The following TRPC6 variants were observed in gnomAD, a reference collection of about 807,000 sequenced individuals.
The protein encoded by TRPC6 is transient receptor potential cation channel subfamily C member 6, also known as short transient receptor potential channel 6.
Under a neutral mutation model 90.7 loss-of-function variants are expected in TRPC6, and 55 were observed. The ratio of observed to expected loss-of-function variants is 0.61; its 90% CI spans 0.49 to 0.76. TRPC6 has a LOEUF of 0.76. Ranked by LOEUF, TRPC6 falls within the 30% of genes least tolerant of loss-of-function variation. The probability of loss-of-function intolerance (pLI) is 0.00; values close to 1 mark genes in which losing one functional copy is unlikely to be tolerated. For synonymous variants in TRPC6, 393 were observed against 393.0 expected, an observed-to-expected ratio of 1.00 and a Z score of 0.00; for missense variants, 989 against 1,122.7, an observed-to-expected ratio of 0.88 and a Z score of 1.70.
At chr11:101,480,215 T>G (rs1263886328) in intron 5 of TRPC6, among the ~76,000 whole-genome samples, 6 of 152,052 alleles carry the variant, frequency 3.9e-5, no homozygotes, top group Non-Finnish European at 8.8e-5. Context: ...AAACTAAGAC[T>G]AGTATGAGGA....
At chr11:101,464,609 C>T (rs1478084055) in intron 10 of TRPC6, among the ~76,000 whole-genome samples, 2 of 152,088 alleles carry the variant, frequency 1.3e-5, no homozygotes, top group Non-Finnish European at 2.9e-5. Flanking sequence ...AGGATTGCAA[C>T]ACCTGCTTTT....
chr11:101,457,932 C>T (rs1858922434), intron 10 of TRPC6, among the ~76,000 whole-genome samples: 1 of 152,156 alleles, frequency 6.6e-6, no homozygotes, highest in African/African-American at 2.4e-5. Flanking sequence ...TTAATCTACA[C>T]ATACCCCTTT....
chr11:101,535,408 T>G (rs1291902894), intron 1 of TRPC6, among the ~76,000 whole-genome samples: 1 of 146,062 alleles, frequency 6.8e-6, no homozygotes, highest in Admixed American at 6.8e-5. Context: ...TTTTTTTTTT[T>G]GCTTTAACCT....
At chr11:101,486,241 C>A (rs1367505339) in intron 4 of TRPC6, among the ~76,000 whole-genome samples, 2 of 152,032 alleles carry the variant, frequency 1.3e-5, no homozygotes, top group Non-Finnish European at 2.9e-5. Context: ...TGGCATCTCT[C>A]ACTAGACTTT....
intron 5 of TRPC6, 32 bp from the exon 6 acceptor site, chr11:101,476,566 A>G: frequency 6.4e-7 from 1 of 1,551,824 alleles, no homozygotes; most frequent in Non-Finnish European, 8.9e-7. Context: ...ATATCAATTC[A>G]ATCGCATTCA....
chr11:101,510,933 T>C (rs1332157913), intron 1 of TRPC6, among the ~76,000 whole-genome samples: 2 of 152,212 alleles, frequency 1.3e-5, no homozygotes, highest in Non-Finnish European at 2.9e-5. Context: ...CTTTGTGCTT[T>C]AAAAATCCTT....
intron 1 of TRPC6, among the ~76,000 whole-genome samples, chr11:101,565,850 T>C (rs1861816910): frequency 4.6e-5 from 7 of 152,158 alleles, no homozygotes; most frequent in Admixed American, 4.6e-4. Context: ...GGAAACTATA[T>C]TTTTAAAAAT....
At chr11:101,577,629 C>G (rs564765006) in intron 1 of TRPC6, among the ~76,000 whole-genome samples, 1 of 152,084 alleles carries the variant, frequency 6.6e-6, no homozygotes, top group South Asian at 2.1e-4. Context: ...TGATTGAGGA[C>G]GGTCTGCAGA....
chr11:101,455,259 A>AT, intron 10 of TRPC6, 158 bp from the exon 11 acceptor site: 1 of 627,050 alleles, frequency 1.6e-6, no homozygotes, highest in South Asian at 1.9e-5. Flanking sequence ...TTCCAAGACA[A>AT]ATCAGTGACA....
chr11:101,521,600 T>C (rs1860662280), intron 1 of TRPC6, among the ~76,000 whole-genome samples: 1 of 152,202 alleles, frequency 6.6e-6, no homozygotes, highest in South Asian at 2.1e-4. Flanking sequence ...ACAGCCACTA[T>C]CCTCCAGACC....
At chr11:101,494,243 T>C (rs988558138) in intron 2 of TRPC6, among the ~76,000 whole-genome samples, 4 of 152,152 alleles carry the variant, frequency 2.6e-5, no homozygotes, top group African/African-American at 9.7e-5. Flanking sequence ...CTGTAATCAA[T>C]CCCAACTCTT....
chr11:101,479,220 G>C (rs891031139), intron 5 of TRPC6, among the ~76,000 whole-genome samples: 1 of 152,210 alleles, frequency 6.6e-6, no homozygotes, highest in Non-Finnish European at 1.5e-5. Context: ...ATGTGGTCTC[G>C]CCATTGGGTA....
At chr11:101,520,469 G>T (rs191919393) in intron 1 of TRPC6, among the ~76,000 whole-genome samples, 1 of 152,180 alleles carries the variant, frequency 6.6e-6, no homozygotes, top group Non-Finnish European at 1.5e-5. Flanking sequence ...TTGCTATAAA[G>T]ATACCTAAAA....
rs762147433 is a variant in TRPC6 at position 101,567,065 on chromosome 11, G to T, written c.170+16269C>A. On this transcript the variant is annotated intron_variant, in intron 1 of 12. Coordinates refer to ENST00000344327, the MANE Select transcript of TRPC6 (RefSeq NM_004621.6). Reference sequence around the variant, plus strand: ...AAAGGGGGCTGAAGTCTGGCTCGGGGCGGGGTGGGGGGGGTCCAACCCCCA... The same window carrying T: ...AAAGGGGGCTGAAGTCTGGCTCGGGTCGGGGTGGGGGGGGTCCAACCCCCA... 1.1e-3 allele frequency among the ~76,000 whole-genome samples: 165 copies of T among 151,822 alleles called. 1 individual carries two copies. The highest frequency in any genetic ancestry group is 1.5e-3 in the Non-Finnish European group (102 of 67,876).
chr11:101,553,110 G>T (rs888918585), intron 1 of TRPC6, among the ~76,000 whole-genome samples: 2 of 152,002 alleles, frequency 1.3e-5, no homozygotes, highest in Non-Finnish European at 2.9e-5. Context: ...AAGTAAGATA[G>T]GTGATGTAAT....
At chr11:101,509,491 C>T (rs1018318135) in intron 1 of TRPC6, among the ~76,000 whole-genome samples, 1 of 151,992 alleles carries the variant, frequency 6.6e-6, no homozygotes, top group East Asian at 1.9e-4. Context: ...ATTTTTTCAT[C>T]CAATACTAAG....
chr11:101,539,692 C>G (rs540270300), intron 1 of TRPC6, among the ~76,000 whole-genome samples: 1 of 152,290 alleles, frequency 6.6e-6, no homozygotes, highest in African/African-American at 2.4e-5. Context: ...TCTAAACATA[C>G]TTTAGAAAAA....
At chr11:101,528,588 T>A (rs1860837280) in intron 1 of TRPC6, among the ~76,000 whole-genome samples, 1 of 152,212 alleles carries the variant, frequency 6.6e-6, no homozygotes, top group Non-Finnish European at 1.5e-5. Flanking sequence ...AATGTGTATA[T>A]TACTATTGTA....
chr11:101,556,782 T>C (rs1008918681), intron 1 of TRPC6, among the ~76,000 whole-genome samples: 9 of 152,108 alleles, frequency 5.9e-5, no homozygotes, highest in Non-Finnish European at 1.2e-4. Context: ...GTACCCTCAA[T>C]GAACATAGAT....
Sources: gnomAD v4.1 joint callset for allele counts (sites outside exome capture counted in the v4.1 genomes callset) on GRCh38, gnomAD v4.1.1 for gene constraint, MANE v1.5 for transcripts, NCBI Gene and HGNC (gene_info 2026-07-23, HGNC 2026-07-21) for gene names.